Variants in ERICH6B observed in about 807,000 individuals in gnomAD.
ERICH6B encodes the protein glutamate rich 6B.
A neutral mutation model predicts 80.0 loss-of-function variants in ERICH6B; 69 were observed. The observed-to-expected ratio is 0.86, with a 90% CI of 0.71 to 1.05. ERICH6B has a LOEUF of 1.05. Ranked by LOEUF, ERICH6B falls within the 50% of genes least tolerant of loss-of-function variation. ERICH6B has a pLI of 0.00. For missense variants in ERICH6B, 754 were observed against 796.1 expected (o/e 0.95, Z 0.64); for synonymous variants, 283 against 291.9 (o/e 0.97, Z 0.31).
chr13:45,571,874 A>G (rs1460389867), intron 8 of ERICH6B, among the ~76,000 whole-genome samples: 1 of 152,136 alleles, frequency 6.6e-6, no homozygotes, highest in Non-Finnish European at 1.5e-5. Flanking sequence ...AGTCATGGAG[A>G]GATACCTGGG....
At chr13:45,552,364 A>G (rs1384737271) in intron 11 of ERICH6B, among the ~76,000 whole-genome samples, 2 of 152,044 alleles carry the variant, frequency 1.3e-5, no homozygotes, top group Non-Finnish European at 2.9e-5. Context: ...CTCAGCACAC[A>G]CACCTGGCTC....
intron 10 of ERICH6B, 30 bp downstream of exon 10, chr13:45,563,697 C>T (rs777275147): frequency 6.1e-5 from 94 of 1,542,892 alleles, no homozygotes; most frequent in Non-Finnish European, 7.5e-5. Context: ...AGAGCCAGCA[C>T]GTGGTGGAAA....
intron 2 of ERICH6B, 79 bp from the exon 3 acceptor site, chr13:45,597,142 TATTTC>T: frequency 9.7e-7 from 1 of 1,031,260 alleles, no homozygotes; most frequent in Non-Finnish European, 1.4e-6. Flanking sequence ...TTTGTTCACT[TATTTC>T]ATTCAGTAGT....
At chr13:45,547,868 C>T (rs901372643) in intron 13 of ERICH6B, among the ~76,000 whole-genome samples, 16 of 152,320 alleles carry the variant, frequency 1.1e-4, no homozygotes, top group Admixed American at 6.5e-4. Flanking sequence ...AGGCCACCCC[C>T]CACTCCCTAG....
chr13:45,606,503 GTGTATATATATATATATATATATATA>G lies in ERICH6B; in HGVS notation c.-59+1035_-59+1060del, dbSNP rs1949861533. On this transcript the variant is annotated intron_variant, in intron 2 of 14. Coordinates refer to ENST00000298738, the MANE Select transcript of ERICH6B (RefSeq NM_182542.3). ...CTTGGCTGAGATCCCAAAAGTGTAT[GTGTATATATATATATATATATATATA>G]TATATATATATATATATATTTTTTT... Among the ~76,000 whole-genome samples, 6 of 32,780 alleles carry G rather than the reference GTGTATATATATATATATATATATATA, an allele frequency of 1.8e-4. No homozygotes were observed. In the South Asian group the frequency reaches 3.2e-3, roughly 18 times the overall value. 21.5% of individuals were successfully genotyped at this position (32,780 alleles called of 152,430 possible). A position where few individuals can be genotyped will look rare whatever the true frequency, so the allele number is the denominator to read the frequency against.
At chr13:45,549,436 C>T (rs941979108) in intron 13 of ERICH6B, among the ~76,000 whole-genome samples, 1 of 152,092 alleles carries the variant, frequency 6.6e-6, no homozygotes, top group Non-Finnish European at 1.5e-5. Context: ...GATGGTTTTC[C>T]ACCATTACCA....
At chr13:45,590,775 C>T (rs577773319) in intron 3 of ERICH6B, 78 bp from the exon 4 acceptor site, 143 of 1,193,760 alleles carry the variant, frequency 1.2e-4, no homozygotes, top group South Asian at 1.1e-3. Context: ...TTGTTAAGTA[C>T]GTGGAGAGGG....
intron 9 of ERICH6B, among the ~76,000 whole-genome samples, chr13:45,566,454 T>A (rs1473496606): frequency 1.3e-5 from 2 of 152,226 alleles, no homozygotes; most frequent in African/African-American, 4.8e-5. Flanking sequence ...AATGGTTTCA[T>A]GGGCCAGGCC....
chr13:45,613,943 G>A lies in ERICH6B; in HGVS notation c.-111+1742C>T, dbSNP rs117062544. ...GATACAGATTCTTGGCTGAGGTCTG[G>A]AAGGGCTGAGGAATTTGCTGCCAGG... On this transcript the variant is annotated intron_variant, in intron 1 of 14. Transcript: ENST00000298738. Among the ~76,000 whole-genome samples, 1,473 of 152,274 alleles carry A rather than the reference G, an allele frequency of 9.7e-3. 11 individuals are homozygous for A. The highest frequency in any genetic ancestry group is 0.015 in the Non-Finnish European group (1,005 of 68,018).
intron 11 of ERICH6B, among the ~76,000 whole-genome samples, chr13:45,556,648 A>T (rs1192562921): frequency 6.6e-6 from 1 of 152,138 alleles, no homozygotes; most frequent in Non-Finnish European, 1.5e-5. Context: ...AGAACGTATG[A>T]TGCTTGGTTT....
chr13:45,550,698 G>A (rs79200009), intron 11 of ERICH6B, among the ~76,000 whole-genome samples: 2,486 of 152,256 alleles, frequency 0.016, 19 homozygotes, highest in Middle Eastern at 0.048. Flanking sequence ...AGGTTTTGAG[G>A]AAGGATCTCT....
chr13:45,597,110 T>G lies in ERICH6B; in HGVS notation c.-58-47A>C. 7.1e-6 allele frequency: 9 copies of G among 1,262,796 alleles called. No individual in the cohort carries two copies. In the South Asian group the frequency reaches 1.4e-4, roughly 20 times the overall value. 78.2% of individuals were successfully genotyped at this position (1,262,796 alleles called of 1,614,324 possible). ...AATCCTATTAGCCAGTAATAGCAAA[T>G]GCATATTGATTTAATTCCATTTTTG... On this transcript the variant is annotated intron_variant, in intron 2 of 14. Transcript: ENST00000298738.
chr13:45,613,134 T>C (rs965849483), intron 1 of ERICH6B, among the ~76,000 whole-genome samples: 1 of 152,196 alleles, frequency 6.6e-6, no homozygotes, highest in Non-Finnish European at 1.5e-5. Context: ...ACCTATGTCC[T>C]TGTTCAAAGA....
Position 45,605,031 on chromosome 13 carries a change from C to T in ERICH6B, c.-59+2533G>A, listed in dbSNP as rs543171091. 3.9e-5 allele frequency among the ~76,000 whole-genome samples: 6 copies of T among 152,290 alleles called. No homozygotes were observed. The South Asian group carries it at 1.2e-3, about 32-fold the overall frequency. On this transcript the variant is annotated intron_variant, in intron 2 of 14. Transcript: ENST00000298738. ...TTAGTCTCCACTCTCTAAAGCTCTT[C>T]CCAGCGTGCTCCCTGAGACCCGGCC...
chr13:45,545,149 A>G (rs1873943880), intron 13 of ERICH6B, among the ~76,000 whole-genome samples, 164 bp from the exon 14 acceptor site: 1 of 152,112 alleles, frequency 6.6e-6, no homozygotes, highest in South Asian at 2.1e-4. Context: ...AACACCAGGC[A>G]CTGTCCCCTG....
intron 5 of ERICH6B, among the ~76,000 whole-genome samples, chr13:45,585,483 G>A (rs1875862207): frequency 6.6e-6 from 1 of 152,162 alleles, no homozygotes; most frequent in African/African-American, 2.4e-5. Flanking sequence ...ACTACAGACA[G>A]AAGGGGAGAG....
intron 8 of ERICH6B, among the ~76,000 whole-genome samples, chr13:45,573,438 T>C (rs1358892155): frequency 6.6e-6 from 1 of 152,216 alleles, no homozygotes; most frequent in East Asian, 1.9e-4. Flanking sequence ...ATTAAGGAAC[T>C]GGAGGCTTGA....
At chr13:45,580,262 G>T (rs1303197716) in intron 6 of ERICH6B, among the ~76,000 whole-genome samples, 2 of 152,142 alleles carry the variant, frequency 1.3e-5, no homozygotes, top group African/African-American at 4.8e-5. Context: ...TTTATATCCT[G>T]CCTCATATAC....
intron 11 of ERICH6B, 125 bp from the exon 12 acceptor site, chr13:45,550,441 G>T: frequency 1.4e-6 from 1 of 698,546 alleles, no homozygotes; most frequent in Non-Finnish European, 2.4e-6. Context: ...TCATCAACTT[G>T]CTGGGGAGCT....
Sources: gnomAD v4.1 joint callset for allele counts (sites outside exome capture counted in the v4.1 genomes callset) on GRCh38, gnomAD v4.1.1 for gene constraint, MANE v1.5 for transcripts, NCBI Gene and HGNC (gene_info 2026-07-23, HGNC 2026-07-21) for gene names.